The following DEPTOR variants were observed in gnomAD, a reference collection of about 807,000 sequenced individuals.
The protein encoded by DEPTOR is DEP domain-containing mTOR-interacting protein.
A neutral mutation model predicts 41.6 loss-of-function variants in DEPTOR; 41 were observed. The ratio of observed to expected loss-of-function variants is 0.98; its 90% CI spans 0.77 to 1.28. DEPTOR has a LOEUF of 1.28. Ranked by LOEUF, DEPTOR falls within the 50% of genes most tolerant of loss-of-function variation. The probability of loss-of-function intolerance (pLI) is 0.00; values close to 1 mark genes in which losing one functional copy is unlikely to be tolerated. For missense variants in DEPTOR, 514 were observed against 527.9 expected (o/e 0.97, Z 0.26); for synonymous variants, 195 against 192.3 (o/e 1.01, Z -0.12).
chr8:119,911,411 C>T (rs139920154), intron 1 of DEPTOR, among the ~76,000 whole-genome samples: 15,651 of 149,824 alleles, frequency 0.1, 947 homozygotes, highest in South Asian at 0.22. Context: ...CTCCGTCTCC[C>T]GGGTTCAAGC....
At chr8:119,991,306 A>C (rs1471398307) in intron 4 of DEPTOR, among the ~76,000 whole-genome samples, 1 of 151,624 alleles carries the variant, frequency 6.6e-6, no homozygotes, top group South Asian at 2.1e-4. Flanking sequence ...TGTAGGCCCC[A>C]GGGCCTGGTC....
chr8:120,003,186 A>G, intron 6 of DEPTOR, 75 bp downstream of exon 6: 2 of 1,572,928 alleles, frequency 1.3e-6, no homozygotes, highest in Non-Finnish European at 1.7e-6. Flanking sequence ...AGAATCTGAG[A>G]TAGCGGGAGA....
At chr8:120,017,938 A>G (rs1358425076) in intron 8 of DEPTOR, among the ~76,000 whole-genome samples, 1 of 152,116 alleles carries the variant, frequency 6.6e-6, no homozygotes, top group Admixed American at 6.5e-5. Flanking sequence ...TTCTCTGTTT[A>G]TCTGTTTCTT....
At chr8:119,935,653 G>A (rs562385518) in intron 3 of DEPTOR, among the ~76,000 whole-genome samples, 5 of 151,704 alleles carry the variant, frequency 3.3e-5, no homozygotes, top group South Asian at 4.2e-4. Context: ...CCCAGGAGGC[G>A]GAGGTTGCAG....
intron 1 of DEPTOR, among the ~76,000 whole-genome samples, chr8:119,903,072 T>C (rs1827615939): frequency 6.6e-6 from 1 of 152,160 alleles, no homozygotes; most frequent in Non-Finnish European, 1.5e-5. Context: ...AGCAGTGAAG[T>C]AGGAGTTCAA....
chr8:119,873,883 G>T lies in DEPTOR; in HGVS notation c.37G>T (p.Asp13Tyr). 12 of 1,613,730 alleles carry T rather than the reference G, an allele frequency of 7.4e-6. No individual in the cohort carries two copies. Among genetic ancestry groups the T allele is most frequent in the Non-Finnish European group, 1.0e-5 (12 of 1,179,854 alleles). The change falls in exon 1 of 9, where the codon GAC becomes TAC. Residue 13 changes from aspartate (D) to tyrosine (Y), a missense_variant. Coordinates refer to ENST00000286234, the MANE Select transcript of DEPTOR (RefSeq NM_022783.4). ...EGGSTGSAGS[D>Y]SSTSGSGGAQ... Reference sequence around the variant, plus strand: ...CGGCAGCACTGGCAGTGCTGGCAGTGACAGCAGCACCAGCGGGAGTGGCGG... The same window carrying T: ...CGGCAGCACTGGCAGTGCTGGCAGTTACAGCAGCACCAGCGGGAGTGGCGG...
chr8:119,930,033 T>TGAA, intron 3 of DEPTOR, 95 bp downstream of exon 3: 1 of 1,436,378 alleles, frequency 7.0e-7, no homozygotes, highest in Non-Finnish European at 9.3e-7. Context: ...GTGGCTTTTC[T>TGAA]ATGTGGGCTG....
chr8:119,881,395 G>A (rs1356500002), intron 1 of DEPTOR, among the ~76,000 whole-genome samples: 5 of 151,942 alleles, frequency 3.3e-5, no homozygotes, highest in East Asian at 1.9e-4. Flanking sequence ...GTGGTGGTGC[G>A]TGCTTGCAGT....
intron 1 of DEPTOR, among the ~76,000 whole-genome samples, chr8:119,913,216 C>G (rs1827767227): frequency 6.6e-6 from 1 of 152,158 alleles, no homozygotes; most frequent in Non-Finnish European, 1.5e-5. Context: ...GCCACTGCAC[C>G]CAGCCAGAAT....
chr8:119,906,636 T>C (rs1827667550), intron 1 of DEPTOR, among the ~76,000 whole-genome samples: 1 of 152,170 alleles, frequency 6.6e-6, no homozygotes, highest in Non-Finnish European at 1.5e-5. Flanking sequence ...CTAGCATTAC[T>C]AGGCACCCAA....
At chr8:119,975,145 A>AAAT in intron 4 of DEPTOR, among the ~76,000 whole-genome samples, 1 of 152,194 alleles carries the variant, frequency 6.6e-6, no homozygotes, top group Non-Finnish European at 1.5e-5. Context: ...TAAAAAAAAA[A>AAAT]AAAAATTTTT....
chr8:119,876,579 A>G (rs1246676240), intron 1 of DEPTOR, among the ~76,000 whole-genome samples: 1 of 151,918 alleles, frequency 6.6e-6, no homozygotes, highest in African/African-American at 2.4e-5. Flanking sequence ...CAGAGGTTGC[A>G]GTGAGCCAAG....
chr8:119,911,247 T>C (rs1827731883), intron 1 of DEPTOR, among the ~76,000 whole-genome samples: 1 of 151,664 alleles, frequency 6.6e-6, no homozygotes, highest in Non-Finnish European at 1.5e-5. Context: ...TATCCAGACC[T>C]GCCTGGATCC....
intron 3 of DEPTOR, among the ~76,000 whole-genome samples, chr8:119,955,149 C>T (rs1828402332): frequency 2.0e-5 from 3 of 152,302 alleles, no homozygotes; most frequent in Admixed American, 6.5e-5. Context: ...TGAGCCACTG[C>T]ACCCGGCCTC....
chr8:120,044,172 A>T (rs73315941), intron 8 of DEPTOR, among the ~76,000 whole-genome samples: 57,077 of 150,514 alleles, frequency 0.38, 11,180 homozygotes, highest in African/African-American at 0.46. Flanking sequence ...TTATTTATTT[A>T]TTTTTTTGAG....
intron 3 of DEPTOR, among the ~76,000 whole-genome samples, chr8:119,952,945 G>A (rs1374437069): frequency 6.6e-6 from 1 of 152,134 alleles, no homozygotes; most frequent in Admixed American, 6.6e-5. Flanking sequence ...GTATGCAGTA[G>A]TTTTACTCAT....
intron 4 of DEPTOR, among the ~76,000 whole-genome samples, chr8:119,988,965 T>TTC (rs1554583513): frequency 7.0e-5 from 10 of 142,306 alleles, no homozygotes; most frequent in East Asian, 4.5e-4. Context: ...TTTCTTTTTT[T>TTC]TTTTTTTTTT....
chr8:120,021,668 C>T (rs79911610), intron 8 of DEPTOR, among the ~76,000 whole-genome samples: 1,774 of 152,124 alleles, frequency 0.012, 17 homozygotes, highest in Non-Finnish European at 0.016. Flanking sequence ...TATACTATTC[C>T]AATTCTTTCT....
Position 119,928,579 on chromosome 8 carries a change from G to C in DEPTOR, c.301+1G>C. The C allele has an allele frequency of 6.2e-7, 1 of 1,613,896 alleles. No individual in the cohort carries two copies. The highest frequency in any genetic ancestry group is 1.3e-5 in the African/African-American group (1 of 75,032). ...GCAGACCGGGGCATTATTCACCATG[G>C]TGAGTGCGGTGGCGAGTCAAGGTGA... On this transcript the variant is annotated splice_donor_variant, in intron 2 of 8. Coordinates refer to ENST00000286234, the MANE Select transcript of DEPTOR (RefSeq NM_022783.4). LOFTEE classifies it high-confidence loss of function.
Sources: gnomAD v4.1 joint callset for allele counts (sites outside exome capture counted in the v4.1 genomes callset) on GRCh38, gnomAD v4.1.1 for gene constraint, MANE v1.5 for transcripts, NCBI Gene and HGNC (gene_info 2026-07-23, HGNC 2026-07-21) for gene names.